The following BRWD3 variants were observed in gnomAD, a reference collection of about 807,000 sequenced individuals.
BRWD3 encodes the protein bromodomain and WD repeat domain containing 3.
A neutral mutation model predicts 149.7 loss-of-function variants in BRWD3; 10 were observed. The observed-to-expected ratio is 0.07, with a 90% CI of 0.04 to 0.11. The LOEUF (loss-of-function observed/expected upper bound fraction) is 0.11, where lower values mean the gene tolerates loss of function less well. Among genes scored for constraint, BRWD3 ranks in the 10% least tolerant of loss-of-function variants. The pLI, the probability that BRWD3 is intolerant of heterozygous loss-of-function variation, is 1.00. For synonymous variants in BRWD3, 504 were observed against 456.7 expected, an observed-to-expected ratio of 1.10 and a Z score of -1.32; for missense variants, 940 against 1,373.2, an observed-to-expected ratio of 0.68 and a Z score of 4.99.
At chrX:80,730,136 C>G (rs2073304646) in intron 12 of BRWD3, 116 bp from the exon 13 acceptor site, 2 of 516,725 alleles carry the variant, frequency 3.9e-6, no homozygotes, top group Admixed American at 5.8e-5. Flanking sequence ...TAAAATGGTA[C>G]AGTCACTTTG....
At chrX:80,746,564 C>T (rs761426961) in intron 6 of BRWD3, among the ~76,000 whole-genome samples, 10 of 111,573 alleles carry the variant, frequency 9.0e-5, no homozygotes, top group Non-Finnish European at 1.7e-4. Flanking sequence ...CTGTGAAATC[C>T]TTCATCTTCC....
intron 6 of BRWD3, among the ~76,000 whole-genome samples, chrX:80,778,640 A>T (rs898521878): frequency 1.8e-5 from 2 of 112,672 alleles, no homozygotes; most frequent in African/African-American, 6.4e-5. Context: ...AAGCAGAGCT[A>T]AAATAACCTT....
At chrX:80,743,817 CT>C (rs1045792934) in intron 8 of BRWD3, 12 of 383,960 alleles carry the variant, frequency 3.1e-5, no homozygotes, top group South Asian at 5.4e-5. Flanking sequence ...ATTTATAGAA[CT>C]TTTTAAATCA....
At chrX:80,771,142 G>A (rs1490101749) in intron 6 of BRWD3, among the ~76,000 whole-genome samples, 2 of 111,736 alleles carry the variant, frequency 1.8e-5, no homozygotes, top group East Asian at 2.8e-4. Flanking sequence ...TCATGAATAC[G>A]AAGAATCAGT....
intron 18 of BRWD3, among the ~76,000 whole-genome samples, chrX:80,718,551 G>C (rs1424069405): frequency 1.8e-5 from 2 of 111,883 alleles, no homozygotes; most frequent in Non-Finnish European, 3.8e-5. Flanking sequence ...GGCCTGGATA[G>C]ATAGGATTAT....
intron 6 of BRWD3, among the ~76,000 whole-genome samples, chrX:80,769,472 C>A (rs915965351): frequency 1.8e-5 from 2 of 111,676 alleles, no homozygotes; most frequent in Admixed American, 9.6e-5. Flanking sequence ...GGAAACTGAA[C>A]AACCTGCTGC....
intron 37 of BRWD3, among the ~76,000 whole-genome samples, chrX:80,683,415 G>A (rs1290516916): frequency 9.0e-6 from 1 of 110,934 alleles, no homozygotes; most frequent in Non-Finnish European, 1.9e-5. Context: ...AAGGGGGAGG[G>A]GGAAGCAAGT....
intron 6 of BRWD3, among the ~76,000 whole-genome samples, chrX:80,760,258 T>C (rs2073789047): frequency 1.8e-5 from 2 of 111,745 alleles, no homozygotes; most frequent in Non-Finnish European, 3.8e-5. Flanking sequence ...TTGACCATAA[T>C]AAACAGCAAA....
At chrX:80,729,871 A>G (rs1348741209) in intron 13 of BRWD3, 45 bp downstream of exon 13, 5 of 878,326 alleles carry the variant, frequency 5.7e-6, no homozygotes, top group Non-Finnish European at 6.7e-6. Context: ...ACTCAATGTA[A>G]AATATATCAT....
Position 80,800,992 on chromosome X carries a change from G to T in BRWD3, c.181-7220C>A, listed in dbSNP as rs968391983. On this transcript the variant is annotated intron_variant, in intron 4 of 40. Transcript: ENST00000373275. ...TGAAAAGCACTATAACCTGAGGGCA[G>T]ATGAAATTAAGACAAGGACAGGGGA... Among the ~76,000 whole-genome samples the T allele has an allele frequency of 2.7e-5, 3 of 110,327 alleles. 1 individual carries two copies. In the Middle Eastern group the frequency reaches 0.014, roughly 523 times the overall value.
intron 25 of BRWD3, among the ~76,000 whole-genome samples, chrX:80,697,745 T>A (rs901833441): frequency 2.7e-5 from 3 of 112,143 alleles, no homozygotes; most frequent in Non-Finnish European, 5.6e-5. Context: ...TGATTCCATG[T>A]CTTTGCTATT....
chrX:80,757,788 G>A (rs2073759337), intron 6 of BRWD3, among the ~76,000 whole-genome samples: 1 of 112,331 alleles, frequency 8.9e-6, no homozygotes, highest in African/African-American at 3.2e-5. Context: ...AATTTATAAA[G>A]TCATAAGATC....
chrX:80,780,914 A>T (rs1602427953), intron 6 of BRWD3, among the ~76,000 whole-genome samples: 2 of 112,487 alleles, frequency 1.8e-5, no homozygotes, highest in East Asian at 5.6e-4. Flanking sequence ...ACATTTACAT[A>T]TAAACAAGAG....
At chrX:80,763,969 T>C (rs779514007) in intron 6 of BRWD3, among the ~76,000 whole-genome samples, 12 of 112,042 alleles carry the variant, frequency 1.1e-4, no homozygotes, top group Admixed American at 2.8e-4. Flanking sequence ...TAAGGCTTAC[T>C]ACATAGCTAC....
intron 6 of BRWD3, among the ~76,000 whole-genome samples, chrX:80,789,567 G>A (rs778793053): frequency 3.1e-4 from 34 of 109,773 alleles, no homozygotes; most frequent in East Asian, 2.9e-3. Context: ...TAGTAGAGAC[G>A]GGGTTTCACC....
intron 6 of BRWD3, among the ~76,000 whole-genome samples, chrX:80,790,651 A>G (rs2147853470): frequency 8.9e-6 from 1 of 111,815 alleles, no homozygotes; most frequent in Non-Finnish European, 1.9e-5. Flanking sequence ...AAGCGAGAGA[A>G]GGGAAGAAGG....
intron 6 of BRWD3, among the ~76,000 whole-genome samples, chrX:80,761,303 CTGCAAA>C (rs1282027938): frequency 8.9e-6 from 1 of 111,989 alleles, no homozygotes; most frequent in African/African-American, 3.2e-5. Context: ...AAAAGGATCA[CTGCAAA>C]TGCATAGCTT....
chrX:80,734,377 A>T (rs1194327723), intron 10 of BRWD3, among the ~76,000 whole-genome samples, 159 bp from the exon 11 acceptor site: 1 of 112,086 alleles, frequency 8.9e-6, no homozygotes, highest in Non-Finnish European at 1.9e-5. Context: ...TTTAGAGAAA[A>T]TGTAAAACTG....
chrX:80,767,806 C>G (rs1257213945), intron 6 of BRWD3, among the ~76,000 whole-genome samples: 1 of 111,565 alleles, frequency 9.0e-6, no homozygotes, highest in East Asian at 2.8e-4. Flanking sequence ...TGTTCGAACC[C>G]ATTGCAAGGA....
Sources: gnomAD v4.1 joint callset for allele counts (sites outside exome capture counted in the v4.1 genomes callset) on GRCh38, gnomAD v4.1.1 for gene constraint, MANE v1.5 for transcripts, NCBI Gene and HGNC (gene_info 2026-07-23, HGNC 2026-07-21) for gene names.